The following EPHB1 variants were observed in gnomAD, a reference collection of about 807,000 sequenced individuals.
EPHB1 encodes the protein EPH receptor B1, also known as ephrin type-B receptor 1.
Under a neutral mutation model 94.4 loss-of-function variants are expected in EPHB1, and 30 were observed. The observed-to-expected ratio is 0.32, with a 90% CI of 0.24 to 0.43. EPHB1 has a LOEUF of 0.43. Ranked by LOEUF, EPHB1 falls within the 20% of genes least tolerant of loss-of-function variation. EPHB1 has a pLI of 1.00. For missense variants in EPHB1, 1,055 were observed against 1,308.3 expected (o/e 0.81, Z 2.99); for synonymous variants, 522 against 489.1 (o/e 1.07, Z -0.89).
chr3:134,944,336 G>A (rs1419517434), intron 2 of EPHB1, among the ~76,000 whole-genome samples: 2 of 151,998 alleles, frequency 1.3e-5, no homozygotes, highest in Non-Finnish European at 2.9e-5. Context: ...CCATTGTATG[G>A]GCACATCAGA....
At chr3:135,084,561 G>A (rs1245433712) in intron 3 of EPHB1, among the ~76,000 whole-genome samples, 1 of 152,152 alleles carries the variant, frequency 6.6e-6, no homozygotes, top group Non-Finnish European at 1.5e-5. Context: ...TAAAGGAATG[G>A]CAGATCGATG....
intron 2 of EPHB1, among the ~76,000 whole-genome samples, chr3:134,939,981 C>T (rs1003601096): frequency 7.9e-5 from 12 of 152,196 alleles, no homozygotes; most frequent in African/African-American, 2.9e-4. Context: ...GTGGTCTGAG[C>T]TGGTGGCTGA....
intron 3 of EPHB1, among the ~76,000 whole-genome samples, chr3:134,968,409 A>AT (rs1245346621): frequency 6.6e-6 from 1 of 152,246 alleles, no homozygotes; most frequent in African/African-American, 2.4e-5. Context: ...CTTAGACAAC[A>AT]TGATCTGGTT....
chr3:134,977,986 A>T, intron 3 of EPHB1: 1 of 455,820 alleles, frequency 2.2e-6, no homozygotes, highest in Non-Finnish European at 4.4e-6. Context: ...TTTTTGGAGG[A>T]TCCTTAGACA....
At chr3:135,161,027 A>C (rs1265822249) in intron 6 of EPHB1, among the ~76,000 whole-genome samples, 2 of 152,196 alleles carry the variant, frequency 1.3e-5, no homozygotes, top group Non-Finnish European at 2.9e-5. Flanking sequence ...GTTTTTAAGA[A>C]AAGAAGTGTG....
chr3:135,246,288 T>C (rs1462588232), intron 13 of EPHB1, among the ~76,000 whole-genome samples: 1 of 152,088 alleles, frequency 6.6e-6, no homozygotes, highest in Non-Finnish European at 1.5e-5. Flanking sequence ...CAATGGGTAA[T>C]CCCACTTGGA....
rs761326171 is a variant in EPHB1, at chr3:135,192,631, C to G, written c.1938C>G (p.Ile646Met). The G allele has an allele frequency of 1.2e-6, 2 of 1,614,050 alleles. No individual in the cohort carries two copies. The highest frequency in any genetic ancestry group is 1.7e-6 in the Non-Finnish European group (2 of 1,179,972). Residue 646 changes from isoleucine (I) to methionine (M), a missense_variant, in exon 11 of 16, where the codon ATC becomes ATG. Physicochemically the swap from Ile to Met is conservative, Grantham distance 10. Coordinates refer to ENST00000398015, the MANE Select transcript of EPHB1 (RefSeq NM_004441.5). ...GRLKLPGKRE[I>M]YVAIKTLKAG... ...TGAAACTGCCAGGCAAGAGGGAAATCTACGTGGCCATCAAGACCCTGAAGG... is the reference window on the plus strand; with the variant it reads ...TGAAACTGCCAGGCAAGAGGGAAATGTACGTGGCCATCAAGACCCTGAAGG...
rs1047555109 is a variant in EPHB1, at chr3:134,853,055, C to T, written c.58+57366C>T. 4.6e-5 allele frequency among the ~76,000 whole-genome samples: 7 copies of T among 151,700 alleles called. No individual in the cohort carries two copies. The East Asian group carries it at 5.8e-4, about 13-fold the overall frequency. On this transcript the variant is annotated intron_variant, in intron 1 of 15. Coordinates refer to ENST00000398015, the MANE Select transcript of EPHB1 (RefSeq NM_004441.5). Reference sequence around the variant, plus strand: ...AAGAGGAAGCAAGTGGAGCCCGAGTCGGGAGGGAGAGAAAGAAAGAGAACA... The same window carrying T: ...AAGAGGAAGCAAGTGGAGCCCGAGTTGGGAGGGAGAGAAAGAAAGAGAACA...
chr3:135,103,196 T>C (rs1939095109), intron 3 of EPHB1, among the ~76,000 whole-genome samples: 1 of 152,130 alleles, frequency 6.6e-6, no homozygotes. Flanking sequence ...TGCTGCTTCT[T>C]ATATAAATTA....
At chr3:135,196,675 A>G (rs1942627181) in intron 11 of EPHB1, among the ~76,000 whole-genome samples, 1 of 147,784 alleles carries the variant, frequency 6.8e-6, no homozygotes, top group South Asian at 2.1e-4. Flanking sequence ...CTACTCAGAG[A>G]AGAAAGGAAA....
chr3:134,812,260 C>A (rs2036192943), intron 1 of EPHB1, among the ~76,000 whole-genome samples: 1 of 152,158 alleles, frequency 6.6e-6, no homozygotes, highest in Admixed American at 6.5e-5. Context: ...CCTCATGTCC[C>A]TTCATGGTCA....
intron 3 of EPHB1, among the ~76,000 whole-genome samples, chr3:134,982,844 A>G (rs530159604): frequency 1.3e-5 from 2 of 152,144 alleles, no homozygotes; most frequent in Admixed American, 6.5e-5. Flanking sequence ...GAATATAGCA[A>G]TTATGGCTAG....
At chr3:135,081,138 G>T (rs1227185128) in intron 3 of EPHB1, among the ~76,000 whole-genome samples, 3 of 152,154 alleles carry the variant, frequency 2.0e-5, no homozygotes, top group South Asian at 4.1e-4. Context: ...TTAGCTCAGG[G>T]TTCTACCTTA....
chr3:135,032,851 C>T (rs1003923612), intron 3 of EPHB1, among the ~76,000 whole-genome samples: 2 of 152,146 alleles, frequency 1.3e-5, no homozygotes, highest in African/African-American at 2.4e-5. Flanking sequence ...TCATGTAGCC[C>T]CTCCAGAGAC....
At chr3:134,972,484 A>G (rs372849035) in intron 3 of EPHB1, among the ~76,000 whole-genome samples, 48 of 138,986 alleles carry the variant, frequency 3.5e-4, no homozygotes, top group East Asian at 3.2e-3. Flanking sequence ...AATATATACT[A>G]TACATTATAT....
intron 11 of EPHB1, among the ~76,000 whole-genome samples, chr3:135,200,837 T>G (rs774135510): frequency 1.5e-4 from 23 of 152,160 alleles, no homozygotes; most frequent in Non-Finnish European, 3.1e-4. Flanking sequence ...AAAGTGACAT[T>G]TAAGCGGAGA....
intron 1 of EPHB1, among the ~76,000 whole-genome samples, chr3:134,805,939 GCTCCGTGAGCCTC>G (rs2036035046): frequency 1.3e-5 from 2 of 152,056 alleles, no homozygotes; most frequent in Non-Finnish European, 1.5e-5. Context: ...GTACCCCACA[GCTCCGTGAGCCTC>G]TGAAGCATGG....
chr3:135,244,580 C>T (rs576221113), intron 13 of EPHB1, among the ~76,000 whole-genome samples: 69 of 152,342 alleles, frequency 4.5e-4, no homozygotes, highest in African/African-American at 1.5e-3. Context: ...TTGTCATTTA[C>T]AGCCATCATC....
intron 1 of EPHB1, among the ~76,000 whole-genome samples, chr3:134,823,458 G>A (rs1430999142): frequency 2.6e-5 from 4 of 152,186 alleles, no homozygotes; most frequent in Non-Finnish European, 4.4e-5. Flanking sequence ...AGGTCTGGGG[G>A]TCTTGGGGAA....
Sources: allele counts gnomAD v4.1 joint callset (sites outside exome capture counted in the v4.1 genomes callset), GRCh38; gene constraint gnomAD v4.1.1; transcripts MANE v1.5; gene names NCBI Gene and HGNC (gene_info 2026-07-23, HGNC 2026-07-21).